NBAS: variants seen among roughly 807,000 people sequenced by gnomAD.
The protein encoded by NBAS is NBAS subunit of NRZ tethering complex.
Under a neutral mutation model 302.5 loss-of-function variants are expected in NBAS, and 219 were observed. That is an observed-to-expected ratio of 0.72 (90% CI 0.65 to 0.81). The LOEUF (loss-of-function observed/expected upper bound fraction) is 0.81. Ranked by LOEUF, NBAS falls within the 30% of genes least tolerant of loss-of-function variation. The pLI is 0.00. For synonymous variants in NBAS, 1,118 were observed against 1,021.6 expected (o/e 1.09, Z -1.80); for missense variants, 2,932 against 2,841.6 (o/e 1.03, Z -0.72).
chr2:15,091,392 C>T, the NBAS span, among the ~76,000 whole-genome samples: 1,124 of 152,308 alleles, frequency 7.4e-3, 6 homozygotes, highest in Non-Finnish European at 0.012. Flanking sequence ...TCAGCCTACT[C>T]AATGTGAAAA....
chr2:15,539,085 A>T, intron 7 of NBAS, 138 bp downstream of exon 7: 1 of 1,159,916 alleles, frequency 8.6e-7, no homozygotes, highest in Non-Finnish European at 1.2e-6. Context: ...TTCTAACTAG[A>T]TTCTGGGCGT....
chr2:15,137,228 A>T, the NBAS span, among the ~76,000 whole-genome samples: 5 of 152,312 alleles, frequency 3.3e-5, no homozygotes, highest in South Asian at 1.0e-3. Context: ...AGTTTATGGA[A>T]TTTTGTTACA....
At chr2:15,529,618 AC>A (rs542674602) in intron 9 of NBAS, among the ~76,000 whole-genome samples, 282 of 152,334 alleles carry the variant, frequency 1.9e-3, no homozygotes, top group African/African-American at 6.4e-3. Flanking sequence ...ACAAGAGGTC[AC>A]CCTCAACAGA....
chr2:15,342,686 T>A (rs535619799), intron 35 of NBAS, among the ~76,000 whole-genome samples: 39 of 152,140 alleles, frequency 2.6e-4, no homozygotes, highest in Non-Finnish European at 5.2e-4. Context: ...TATATTAATG[T>A]ATTGTTTATT....
At chr2:15,100,124 C>T in the NBAS span, among the ~76,000 whole-genome samples, 1 of 152,168 alleles carries the variant, frequency 6.6e-6, no homozygotes, top group African/African-American at 2.4e-5. Flanking sequence ...GTATTCTATG[C>T]AACAGGTGCC....
the NBAS span, among the ~76,000 whole-genome samples, chr2:14,935,817 C>A: frequency 1.3e-5 from 2 of 152,178 alleles, no homozygotes; most frequent in African/African-American, 2.4e-5. Context: ...CATAATTATA[C>A]TTTCTAAGAC....
intron 16 of NBAS, 47 bp from the exon 17 acceptor site, chr2:15,468,580 T>C (rs2148574726): frequency 6.4e-7 from 1 of 1,568,918 alleles, no homozygotes; most frequent in Non-Finnish European, 8.8e-7. Context: ...CCATGACATC[T>C]TACAACACAT....
At chr2:15,129,320 A>G in the NBAS span, among the ~76,000 whole-genome samples, 2 of 152,216 alleles carry the variant, frequency 1.3e-5, no homozygotes, top group Admixed American at 1.3e-4. Context: ...CAGCTGAAGT[A>G]GCTCAGAGGA....
chr2:15,204,181 G>A (rs1666031165), intron 48 of NBAS, among the ~76,000 whole-genome samples: 1 of 151,952 alleles, frequency 6.6e-6, no homozygotes, highest in Non-Finnish European at 1.5e-5. Flanking sequence ...GGATCCTTGA[G>A]CCAGGAGGAT....
At position 15,419,655 on chromosome 2, in the gene NBAS, T is replaced by G. The variant is rs189823781; in HGVS notation, c.2578-1943A>C. Among the ~76,000 whole-genome samples the G allele has an allele frequency of 1.4e-3, 218 of 152,184 alleles. 2 individuals are homozygous for G. The highest frequency in any genetic ancestry group is 2.3e-3 in the Admixed American group (35 of 15,294). ...ATATCTTGATACAGATGCCCAATAG[T>G]AGGTCCAAGAAGAAGAAAACAAAAT... is the stretch of plus-strand genomic sequence containing the variant. On this transcript the variant is annotated intron_variant, in intron 23 of 51. Transcript: ENST00000281513.
the NBAS span, among the ~76,000 whole-genome samples, chr2:14,821,670 AGT>A: frequency 6.6e-6 from 1 of 152,146 alleles, no homozygotes; most frequent in African/African-American, 2.4e-5. Context: ...CAGAAGGCTC[AGT>A]GGTAGGACTC....
intron 51 of NBAS, chr2:15,178,277 A>G (rs1664649512): frequency 5.0e-6 from 2 of 397,574 alleles, no homozygotes; most frequent in Non-Finnish European, 1.0e-5. Context: ...TACATACTCA[A>G]ACAGACATAC....
intron 32 of NBAS, among the ~76,000 whole-genome samples, chr2:15,359,564 T>C: frequency 6.6e-6 from 1 of 152,084 alleles, no homozygotes; most frequent in Non-Finnish European, 1.5e-5. Context: ...TTAGAAAATA[T>C]TTCTTAAAAT....
At chr2:15,134,325 A>G in the NBAS span, among the ~76,000 whole-genome samples, 1 of 152,208 alleles carries the variant, frequency 6.6e-6, no homozygotes, top group East Asian at 1.9e-4. Flanking sequence ...CTCTCACAGC[A>G]CACAAACGTG....
the NBAS span, among the ~76,000 whole-genome samples, chr2:14,949,632 T>A: frequency 1.3e-5 from 2 of 152,062 alleles, no homozygotes; most frequent in African/African-American, 4.8e-5. Context: ...AATGAACGGA[T>A]AAAGAAAATG....
chr2:14,803,381 T>C, the NBAS span, among the ~76,000 whole-genome samples: 1 of 152,194 alleles, frequency 6.6e-6, no homozygotes, highest in Non-Finnish European at 1.5e-5. Context: ...TCTCTCTCTT[T>C]GTGCAGCTCT....
At chr2:15,042,038 G>A in the NBAS span, among the ~76,000 whole-genome samples, 1 of 152,166 alleles carries the variant, frequency 6.6e-6, no homozygotes, top group Admixed American at 6.5e-5. Context: ...TTTCAACATG[G>A]ACAATATTTA....
chr2:15,493,204 C>T (rs1680935765), intron 11 of NBAS, among the ~76,000 whole-genome samples: 2 of 152,166 alleles, frequency 1.3e-5, no homozygotes, highest in South Asian at 2.1e-4. Flanking sequence ...TGAGGCCTCC[C>T]CAGCCATGTG....
chr2:15,159,473 G>A, the NBAS span, among the ~76,000 whole-genome samples: 2 of 152,188 alleles, frequency 1.3e-5, no homozygotes, highest in East Asian at 1.9e-4. Flanking sequence ...CAACATGGAC[G>A]AAACTTGAGA....
Sources: gnomAD v4.1 joint callset for allele counts (sites outside exome capture counted in the v4.1 genomes callset) on GRCh38, gnomAD v4.1.1 for gene constraint, MANE v1.5 for transcripts, NCBI Gene and HGNC (gene_info 2026-07-23, HGNC 2026-07-21) for gene names.